PSMD14: variants seen among roughly 807,000 people sequenced by gnomAD.
PSMD14 encodes proteasome 26S subunit, non-ATPase 14.
In PSMD14, 7 loss-of-function variants were observed where a neutral mutation model predicts 41.2. That is an observed-to-expected ratio of 0.17 (90% CI 0.10 to 0.32). PSMD14 has a LOEUF of 0.32. PSMD14 is among the 10% of genes least tolerant of loss of function. The probability of loss-of-function intolerance (pLI) is 1.00; values close to 1 mark genes in which losing one functional copy is unlikely to be tolerated. For synonymous variants in PSMD14, 114 were observed against 122.3 expected (o/e 0.93, Z 0.45); for missense variants, 139 against 375.6 (o/e 0.37, Z 5.21).
intron 7 of PSMD14, among the ~76,000 whole-genome samples, chr2:161,379,555 C>T (rs1683548006): frequency 2.6e-5 from 4 of 151,900 alleles, no homozygotes; most frequent in Admixed American, 2.0e-4. Context: ...ATAGTTATAA[C>T]TTGATTTTTA....
intron 1 of PSMD14, among the ~76,000 whole-genome samples, chr2:161,315,237 A>G (rs535864498): frequency 1.8e-4 from 27 of 152,314 alleles, no homozygotes; most frequent in African/African-American, 6.0e-4. Flanking sequence ...TAAACATCCT[A>G]TGATGCGCAA....
chr2:161,405,871 A>G (rs1683940894), intron 10 of PSMD14, among the ~76,000 whole-genome samples: 1 of 152,214 alleles, frequency 6.6e-6, no homozygotes. Context: ...AAGAAACCAA[A>G]GAAATAGTGA....
chr2:161,333,423 T>G (rs888691705), intron 3 of PSMD14, among the ~76,000 whole-genome samples: 1 of 152,212 alleles, frequency 6.6e-6, no homozygotes, highest in Non-Finnish European at 1.5e-5. Context: ...ATGTCACTTT[T>G]TGGACAGTAG....
chr2:161,319,621 A>G (rs1162964096), intron 3 of PSMD14, among the ~76,000 whole-genome samples: 1 of 152,154 alleles, frequency 6.6e-6, no homozygotes, highest in African/African-American at 2.4e-5. Flanking sequence ...TATATATGCA[A>G]TGTATTGTTT....
chr2:161,357,253 T>A (rs1420254454), intron 3 of PSMD14, among the ~76,000 whole-genome samples: 2 of 152,098 alleles, frequency 1.3e-5, no homozygotes, highest in Non-Finnish European at 2.9e-5. Context: ...TTACTAAATG[T>A]GTCACATCAT....
At chr2:161,404,697 T>G (rs1450899756) in intron 10 of PSMD14, among the ~76,000 whole-genome samples, 2 of 152,194 alleles carry the variant, frequency 1.3e-5, no homozygotes, top group Admixed American at 1.3e-4. Flanking sequence ...ATTTTCTTAG[T>G]GCACTGAGTC....
rs940948123 is a variant in PSMD14, at chr2:161,388,837, C to T, written c.571-2267C>T. Among the ~76,000 whole-genome samples, 7 of 152,232 alleles carry T rather than the reference C, an allele frequency of 4.6e-5. No homozygotes were observed. The South Asian group carries it at 1.5e-3, about 32-fold the overall frequency. Reference sequence around the variant, plus strand: ...GTTTTATAATGCACCTGCTTTTCCACAGCAGTGAGTGCATAGAGGTAAAAT... The same window carrying T: ...GTTTTATAATGCACCTGCTTTTCCATAGCAGTGAGTGCATAGAGGTAAAAT... On this transcript the variant is annotated intron_variant, in intron 8 of 11. Transcript: ENST00000409682.
At chr2:161,325,032 C>G (rs957155734) in intron 3 of PSMD14, among the ~76,000 whole-genome samples, 2 of 151,984 alleles carry the variant, frequency 1.3e-5, no homozygotes, top group Non-Finnish European at 2.9e-5. Flanking sequence ...AGTTTTAAAG[C>G]AAAGTTAGAA....
At chr2:161,360,365 TG>T (rs1258128052) in intron 3 of PSMD14, among the ~76,000 whole-genome samples, 37 of 134,406 alleles carry the variant, frequency 2.8e-4, no homozygotes, top group Non-Finnish European at 4.9e-4. Flanking sequence ...CCTTTCATAT[TG>T]TTTTTTTTTT....
At chr2:161,350,324 T>C (rs116328716) in intron 3 of PSMD14, among the ~76,000 whole-genome samples, 34 of 152,354 alleles carry the variant, frequency 2.2e-4, no homozygotes, top group Non-Finnish European at 4.1e-4. Flanking sequence ...AAAATACTTA[T>C]TTATCTGAAA....
intron 7 of PSMD14, among the ~76,000 whole-genome samples, chr2:161,371,583 T>C (rs1683435175): frequency 6.6e-6 from 1 of 152,156 alleles, no homozygotes; most frequent in Admixed American, 6.6e-5. Flanking sequence ...TTCATAAAAT[T>C]AGGAAAGTTA....
At chr2:161,309,244 A>G (rs1038959667) in intron 1 of PSMD14, among the ~76,000 whole-genome samples, 1 of 152,246 alleles carries the variant, frequency 6.6e-6, no homozygotes, top group African/African-American at 2.4e-5. Flanking sequence ...CGTATGTTAC[A>G]TCTTGCAACT....
intron 3 of PSMD14, among the ~76,000 whole-genome samples, chr2:161,341,708 A>G (rs1411801267): frequency 6.6e-6 from 1 of 151,546 alleles, no homozygotes; most frequent in Non-Finnish European, 1.5e-5. Context: ...GCGTGGTGGC[A>G]TCTGCCTGTA....
intron 8 of PSMD14, among the ~76,000 whole-genome samples, chr2:161,389,912 T>TTTTTTTTTTTTTTTG (rs1299369817): frequency 7.7e-6 from 1 of 130,246 alleles, no homozygotes; most frequent in African/African-American, 3.3e-5. Context: ...TTTTTTTTTT[T>TTTTTTTTTTTTTTTG]AGAGATGGGG....
chr2:161,357,076 CTT>C (rs71281822), intron 3 of PSMD14, among the ~76,000 whole-genome samples: 1 of 124,190 alleles, frequency 8.1e-6, no homozygotes, highest in Non-Finnish European at 1.6e-5. Context: ...TGGCAAATGC[CTT>C]TTTTTTTTTT....
At chr2:161,404,689 T>C (rs886289552) in intron 10 of PSMD14, among the ~76,000 whole-genome samples, 1 of 152,210 alleles carries the variant, frequency 6.6e-6, no homozygotes, top group Admixed American at 6.5e-5. Flanking sequence ...AGTGATTTAT[T>C]TTCTTAGTGC....
intron 1 of PSMD14, among the ~76,000 whole-genome samples, chr2:161,311,354 A>AT (rs534694136): frequency 4.6e-5 from 7 of 151,978 alleles, no homozygotes; most frequent in South Asian, 2.1e-4. Context: ...ATGTATAGAC[A>AT]TTTTTTTTCA....
At chr2:161,380,456 T>C (rs1342680819) in intron 7 of PSMD14, among the ~76,000 whole-genome samples, 1 of 152,050 alleles carries the variant, frequency 6.6e-6, no homozygotes, top group African/African-American at 2.4e-5. Context: ...GTGGATTTAC[T>C]CTTTGAATTT....
At chr2:161,325,015 A>G (rs1682672986) in intron 3 of PSMD14, among the ~76,000 whole-genome samples, 1 of 152,116 alleles carries the variant, frequency 6.6e-6, no homozygotes, top group Non-Finnish European at 1.5e-5. Context: ...ATGACATACA[A>G]CCTGCAAGTT....
Sources: gnomAD v4.1 joint callset for allele counts (sites outside exome capture counted in the v4.1 genomes callset) on GRCh38, gnomAD v4.1.1 for gene constraint, MANE v1.5 for transcripts, NCBI Gene and HGNC (gene_info 2026-07-23, HGNC 2026-07-21) for gene names.